The following UBAC2 variants were observed in gnomAD, a reference collection of about 807,000 sequenced individuals.
UBAC2 encodes UBA domain containing 2, also known as ubiquitin-associated domain-containing protein 2.
Under a neutral mutation model 44.0 loss-of-function variants are expected in UBAC2, and 26 were observed. The observed-to-expected ratio is 0.59, with a 90% CI of 0.43 to 0.82. The LOEUF (loss-of-function observed/expected upper bound fraction) is 0.82. UBAC2 is among the 40% of genes least tolerant of loss of function. The probability of loss-of-function intolerance (pLI) is 0.00; values close to 1 mark genes in which losing one functional copy is unlikely to be tolerated. For missense variants in UBAC2, 329 were observed against 419.4 expected (o/e 0.78, Z 1.88); for synonymous variants, 155 against 154.3 (o/e 1.00, Z -0.04).
chr13:99,319,781 A>G (rs2044544432), intron 6 of UBAC2, among the ~76,000 whole-genome samples: 1 of 152,200 alleles, frequency 6.6e-6, no homozygotes, highest in Admixed American at 6.5e-5. Flanking sequence ...TCTGGGACAC[A>G]GGTGCCAGAC....
In UBAC2 at chr13:99,218,507, T is replaced by C. The variant is rs185602507; in HGVS notation, c.31+17568T>C. Among the ~76,000 whole-genome samples the C allele has an allele frequency of 4.7e-3, 704 of 150,018 alleles. 2 individuals are homozygous for C. The highest frequency in any genetic ancestry group is 8.2e-3 in the African/African-American group (337 of 41,068). On this transcript the variant is annotated intron_variant, in intron 1 of 8. Coordinates refer to ENST00000403766, the MANE Select transcript of UBAC2 (RefSeq NM_001144072.2). ...CTCTTTCCTGACCTTTTTTTTTTTT[T>C]CCCTGGAAACTTCTTAGCACTTTCT...
At position 99,293,376 on chromosome 13, in the gene UBAC2, A is replaced by T. The variant is rs184157805; in HGVS notation, c.390-20721A>T. ...ACATCCCAGAAGGCGTCTCTACTCC[A>T]GTGTAGTCACAGAACCAGGGCACCA... On this transcript the variant is annotated intron_variant, in intron 4 of 8. Coordinates refer to ENST00000403766, the MANE Select transcript of UBAC2 (RefSeq NM_001144072.2). Among the ~76,000 whole-genome samples the T allele has an allele frequency of 3.8e-3, 573 of 152,290 alleles. 6 individuals carry two copies. Among genetic ancestry groups the T allele is most frequent in the South Asian group, 0.011 (51 of 4,820 alleles).
At chr13:99,208,570 C>A (rs1055164751) in intron 1 of UBAC2, among the ~76,000 whole-genome samples, 4 of 152,202 alleles carry the variant, frequency 2.6e-5, no homozygotes, top group Non-Finnish European at 5.9e-5. Context: ...CTTCAGTCTT[C>A]ATTCAAAGAT....
At chr13:99,306,254 A>T (rs1310084265) in intron 4 of UBAC2, among the ~76,000 whole-genome samples, 1 of 152,184 alleles carries the variant, frequency 6.6e-6, no homozygotes, top group Non-Finnish European at 1.5e-5. Flanking sequence ...ACCCTCTGGT[A>T]CGTCAGTGGC....
chr13:99,346,976 G>A (rs1437544212), intron 7 of UBAC2, among the ~76,000 whole-genome samples: 1 of 152,170 alleles, frequency 6.6e-6, no homozygotes, highest in Non-Finnish European at 1.5e-5. Flanking sequence ...TGAATAATCA[G>A]GGCTGGAAAC....
chr13:99,343,068 C>T (rs2044917239), intron 7 of UBAC2, among the ~76,000 whole-genome samples: 1 of 152,194 alleles, frequency 6.6e-6, no homozygotes, highest in South Asian at 2.1e-4. Context: ...GAGGTGGCTG[C>T]CAGGGTGGTC....
intron 4 of UBAC2, among the ~76,000 whole-genome samples, chr13:99,294,021 A>T (rs944362342): frequency 2.6e-5 from 4 of 152,210 alleles, no homozygotes; most frequent in African/African-American, 4.8e-5. Context: ...TGGAAAGGTC[A>T]TGCTACTCAT....
At chr13:99,228,728 T>C (rs1046076518) in intron 1 of UBAC2, among the ~76,000 whole-genome samples, 1 of 152,234 alleles carries the variant, frequency 6.6e-6, no homozygotes, top group African/African-American at 2.4e-5. Context: ...CTTATAGTCA[T>C]GGTGCTCTCC....
intron 4 of UBAC2, among the ~76,000 whole-genome samples, chr13:99,280,236 C>G (rs994056431): frequency 5.3e-5 from 8 of 152,198 alleles, no homozygotes; most frequent in Middle Eastern, 3.2e-3. Flanking sequence ...TGTGACACAC[C>G]TCAGAGCTCC....
chr13:99,207,241 T>C (rs1159498036), intron 1 of UBAC2, among the ~76,000 whole-genome samples: 2 of 152,236 alleles, frequency 1.3e-5, no homozygotes, highest in Non-Finnish European at 2.9e-5. Flanking sequence ...GAAGTGAGAC[T>C]ACCTGTACTT....
intron 1 of UBAC2, among the ~76,000 whole-genome samples, chr13:99,214,711 G>T (rs2042971723): frequency 6.6e-6 from 1 of 152,008 alleles, no homozygotes; most frequent in Non-Finnish European, 1.5e-5. Context: ...CCCCCTCATT[G>T]TTCTCCTTAA....
At chr13:99,346,764 C>T (rs2044989600) in intron 7 of UBAC2, among the ~76,000 whole-genome samples, 1 of 152,218 alleles carries the variant, frequency 6.6e-6, no homozygotes, top group South Asian at 2.1e-4. Context: ...CTGCCTGTCT[C>T]TCGTGGCACC....
intron 6 of UBAC2, among the ~76,000 whole-genome samples, chr13:99,327,076 AATC>A (rs1310051986): frequency 2.6e-5 from 4 of 152,320 alleles, no homozygotes; most frequent in Admixed American, 1.3e-4. Context: ...TCTCTTCTAA[AATC>A]ATCAAGATAT....
intron 2 of UBAC2, among the ~76,000 whole-genome samples, chr13:99,241,009 C>A (rs955882575): frequency 6.6e-6 from 1 of 152,150 alleles, no homozygotes; most frequent in South Asian, 2.1e-4. Context: ...CCTGTCATTT[C>A]AGCACCTTGG....
At chr13:99,357,119 C>T (rs1025654324) in intron 7 of UBAC2, among the ~76,000 whole-genome samples, 7 of 152,166 alleles carry the variant, frequency 4.6e-5, no homozygotes, top group African/African-American at 1.7e-4. Context: ...TTTGCTATGT[C>T]TTTTCTATGT....
intron 8 of UBAC2, among the ~76,000 whole-genome samples, chr13:99,379,511 G>C (rs892973933): frequency 6.6e-6 from 1 of 152,148 alleles, no homozygotes; most frequent in African/African-American, 2.4e-5. Flanking sequence ...TTCATTTTCA[G>C]TTCCTCATCC....
Position 99,295,899 on chromosome 13 carries a change from C to T in UBAC2, c.390-18198C>T, listed in dbSNP as rs760089153. 34 of 1,612,320 alleles carry T rather than the reference C, an allele frequency of 2.1e-5. No individual in the cohort carries two copies. In the Middle Eastern group the frequency reaches 8.2e-4, roughly 39 times the overall value. On this transcript the variant is annotated intron_variant, in intron 4 of 8. Transcript: ENST00000403766. This position sits in a 1 kb window ranked among gnomAD's most constrained non-coding sequence, Gnocchi z 4.1. ...TAGTAGGCTATTCGTGTAGGCAAAG[C>T]GGTGGTAAAAAGTATATCAGAAATC... is the stretch of plus-strand genomic sequence containing the variant.
At chr13:99,330,473 A>G (rs1358739823) in intron 6 of UBAC2, among the ~76,000 whole-genome samples, 1 of 149,332 alleles carries the variant, frequency 6.7e-6, no homozygotes, top group African/African-American at 2.4e-5. Context: ...AAAAAAAAAA[A>G]AAAGAAATAC....
intron 4 of UBAC2, among the ~76,000 whole-genome samples, chr13:99,251,536 T>A (rs944333206): frequency 1.3e-5 from 2 of 152,212 alleles, no homozygotes; most frequent in Non-Finnish European, 2.9e-5. Context: ...TTAACTAGTT[T>A]CCCTGTGAAT....
Sources: gnomAD v4.1 joint callset for allele counts (sites outside exome capture counted in the v4.1 genomes callset) on GRCh38, gnomAD v4.1.1 for gene constraint, Gnocchi (gnomAD v3.1) non-coding constraint, MANE v1.5 for transcripts, NCBI Gene and HGNC (gene_info 2026-07-23, HGNC 2026-07-21) for gene names.